The following FARP2 variants were observed in gnomAD, a reference collection of about 807,000 sequenced individuals.
The protein encoded by FARP2 is FERM, ARHGEF and pleckstrin domain-containing protein 2.
In FARP2, 111 loss-of-function variants were observed where a neutral mutation model predicts 130.5. The observed-to-expected ratio is 0.85, with a 90% confidence interval of 0.73 to 1.00. The LOEUF is 1.00. Among genes scored for constraint, FARP2 ranks in the 50% least tolerant of loss-of-function variants. The pLI, the probability that FARP2 is intolerant of heterozygous loss-of-function variation, is 0.00. For synonymous variants in FARP2, 504 were observed against 516.9 expected, an observed-to-expected ratio of 0.98 and a Z score of 0.34; for missense variants, 1,385 against 1,346.3, an observed-to-expected ratio of 1.03 and a Z score of -0.45.
At chr2:241,453,368 A>G (rs1036466563) in intron 13 of FARP2, among the ~76,000 whole-genome samples, 14 of 151,566 alleles carry the variant, frequency 9.2e-5, no homozygotes, top group African/African-American at 2.4e-4. Flanking sequence ...CATGCCTGTA[A>G]TCCCAGCACT....
chr2:241,470,642 G>A (rs2064281510), intron 18 of FARP2, among the ~76,000 whole-genome samples: 1 of 149,830 alleles, frequency 6.7e-6, no homozygotes, highest in South Asian at 2.1e-4. Context: ...ACACTGTTCT[G>A]AGGGGACTCA....
chr2:241,361,585 T>C (rs2061187250), intron 1 of FARP2, among the ~76,000 whole-genome samples: 1 of 152,164 alleles, frequency 6.6e-6, no homozygotes, highest in Non-Finnish European at 1.5e-5. Flanking sequence ...TTTACAAAAG[T>C]GTATGACCAT....
intron 6 of FARP2, among the ~76,000 whole-genome samples, chr2:241,412,110 G>A (rs986851798): frequency 6.6e-6 from 1 of 152,146 alleles, no homozygotes; most frequent in African/African-American, 2.4e-5. Flanking sequence ...TCCTGATCTG[G>A]GTAGTTTTAC....
At chr2:241,410,857 G>C in intron 5 of FARP2, 176 bp from the exon 6 acceptor site, 1 of 575,172 alleles carries the variant, frequency 1.7e-6, no homozygotes, top group Non-Finnish European at 3.1e-6. Context: ...GTGACTGTTT[G>C]TTTCATGAAA....
At chr2:241,465,926 C>G in intron 17 of FARP2, 1 of 1,423,178 alleles carries the variant, frequency 7.0e-7, no homozygotes, top group Non-Finnish European at 9.2e-7. Flanking sequence ...CCTTTTCCTG[C>G]CTCGACGGAA....
chr2:241,461,191 G>A (rs1207903537), intron 14 of FARP2, among the ~76,000 whole-genome samples: 5 of 152,050 alleles, frequency 3.3e-5, no homozygotes, highest in South Asian at 4.1e-4. Context: ...CAAAAACTGC[G>A]GCAGTCACCC....
chr2:241,486,666 G>A (rs2064761029), intron 21 of FARP2, among the ~76,000 whole-genome samples: 1 of 152,116 alleles, frequency 6.6e-6, no homozygotes. Context: ...TGGACGCTTG[G>A]CTGTGGCTGG....
intron 14 of FARP2, among the ~76,000 whole-genome samples, chr2:241,461,538 G>A (rs562363221): frequency 1.6e-4 from 25 of 152,298 alleles, no homozygotes; most frequent in African/African-American, 5.8e-4. Context: ...GTGAGGCTGC[G>A]GCCTACTGTG....
At chr2:241,386,584 CT>C (rs924020468) in intron 2 of FARP2, among the ~76,000 whole-genome samples, 4 of 152,202 alleles carry the variant, frequency 2.6e-5, no homozygotes, top group Non-Finnish European at 5.9e-5. Context: ...GGAAAGCCCC[CT>C]GGGCATGTGC....
intron 22 of FARP2, 116 bp downstream of exon 22, chr2:241,490,160 G>A (rs923342256): frequency 2.7e-6 from 2 of 741,150 alleles, no homozygotes; most frequent in African/African-American, 1.7e-5. Context: ...TCATGGGGTT[G>A]TGCCCCCTTT....
rs1297224766 is a variant in FARP2 at position 241,462,591 on chromosome 2, G to A, written c.1656G>A (p.Lys552=). 1.2e-6 allele frequency: 2 copies of A among 1,612,308 alleles called. No individual in the cohort carries two copies. Among genetic ancestry groups the A allele is most frequent in the Non-Finnish European group, 1.7e-6 (2 of 1,178,408 alleles). Residue 552 remains lysine (K), a synonymous_variant, in exon 15 of 27, where the codon AAG becomes AAA. Transcript: ENST00000264042. ...TCGCTACAGAACGAACATACCTCAA[G>A]GATTTAGAAGTTATTACCGTGGTAC... is the stretch of plus-strand genomic sequence containing the variant. ...EILATERTYL[K]DLEVITVWFR...
intron 8 of FARP2, among the ~76,000 whole-genome samples, chr2:241,428,040 A>C (rs2062997381): frequency 6.6e-6 from 1 of 152,058 alleles, no homozygotes; most frequent in Admixed American, 6.6e-5. Context: ...TGCTGGGATT[A>C]CAGGCATGAG....
Position 241,483,462 on chromosome 2 carries a change from C to G in FARP2, c.2263-3C>G. 1 of 1,613,870 alleles carries G rather than the reference C, an allele frequency of 6.2e-7. No individual in the cohort carries two copies. The highest frequency in any genetic ancestry group is 2.2e-5 in the East Asian group (1 of 44,878). Reference sequence around the variant, plus strand: ...GAAAGGGGACTCTGTCTCTGTCTTTCAGGAGTTCATCCGTGAGGGCTGCCT... The same window carrying G: ...GAAAGGGGACTCTGTCTCTGTCTTTGAGGAGTTCATCCGTGAGGGCTGCCT... On this transcript the variant is annotated splice_region_variant and splice_polypyrimidine_tract_variant and intron_variant, in intron 19 of 26. Transcript: ENST00000264042.
intron 7 of FARP2, among the ~76,000 whole-genome samples, chr2:241,414,632 C>A (rs553108051): frequency 1.3e-5 from 2 of 152,118 alleles, no homozygotes; most frequent in Non-Finnish European, 2.9e-5. Context: ...ATTTCGTGCA[C>A]CTCACCACTC....
chr2:241,491,746 TGAG>T lies in FARP2; in HGVS notation c.2787+72_2787+74del, dbSNP rs139315357. On this transcript the variant is annotated intron_variant, in intron 24 of 26. Transcript: ENST00000264042. ...CCCAGCTGTCTCTGCACTTGGCTGC[TGAG>T]GAGGGGACCTCAGGAGGGTACCAGC... 21,106 of 1,473,970 alleles carry T rather than the reference TGAG, an allele frequency of 0.014. 2,651 individuals carry two copies. The Admixed American group carries it at 0.27, about 19-fold the overall frequency. 91.3% of individuals were successfully genotyped at this position (1,473,970 alleles called of 1,614,324 possible).
At chr2:241,405,749 C>A (rs918772683) in intron 4 of FARP2, among the ~76,000 whole-genome samples, 7 of 152,106 alleles carry the variant, frequency 4.6e-5, no homozygotes, top group Admixed American at 2.6e-4. Context: ...GCCTCGCCAA[C>A]ATGGTGAAAC....
intron 13 of FARP2, among the ~76,000 whole-genome samples, chr2:241,453,436 C>G (rs1303105800): frequency 6.6e-6 from 1 of 151,820 alleles, no homozygotes; most frequent in East Asian, 1.9e-4. Context: ...TCCTGGCTAA[C>G]ATGGTGAAAC....
At chr2:241,387,573 C>A (rs2061814542) in intron 2 of FARP2, among the ~76,000 whole-genome samples, 1 of 152,032 alleles carries the variant, frequency 6.6e-6, no homozygotes, top group Non-Finnish European at 1.5e-5. Context: ...GTGGGCTGAT[C>A]ACGAGGTCAG....
rs762855873 is a variant in FARP2, at chr2:241,463,944, C to T, written c.1857C>T (p.Ile619=). The T allele has an allele frequency of 3.7e-6, 6 of 1,614,068 alleles. No individual in the cohort carries two copies. The highest frequency in any genetic ancestry group is 4.2e-6 in the Non-Finnish European group (5 of 1,179,946). ...KAHTKGSHQR[I]GDILLRNMRQ... ...ACACAAAAGGCAGTCATCAACGAAT[C>T]GGGGACATCCTGCTCAGGAACATGC... Residue 619 remains isoleucine, a synonymous_variant, in exon 17 of 27, where the codon ATC becomes ATT. Transcript: ENST00000264042.
Sources: gnomAD v4.1 joint callset for allele counts (sites outside exome capture counted in the v4.1 genomes callset) on GRCh38, gnomAD v4.1.1 for gene constraint, MANE v1.5 for transcripts, NCBI Gene and HGNC (gene_info 2026-07-23, HGNC 2026-07-21) for gene names.